ADCY2: variants seen among roughly 807,000 people sequenced by gnomAD.
ADCY2 encodes the protein adenylate cyclase 2.
ADCY2 carries 31 observed loss-of-function variants against 125.2 expected under a neutral mutation model. The ratio of observed to expected loss-of-function variants is 0.25; its 90% CI spans 0.19 to 0.33. The LOEUF (loss-of-function observed/expected upper bound fraction) is 0.33. ADCY2 is among the 10% of genes least tolerant of loss of function. The pLI, the probability that ADCY2 is intolerant of heterozygous loss-of-function variation, is 1.00. For missense variants in ADCY2, 904 were observed against 1,418.2 expected (o/e 0.64, Z 5.82); for synonymous variants, 512 against 548.4 (o/e 0.93, Z 0.93).
chr5:7,816,322 A>G (rs1561035480), intron 22 of ADCY2, among the ~76,000 whole-genome samples: 1 of 152,126 alleles, frequency 6.6e-6, no homozygotes, highest in African/African-American at 2.4e-5. Flanking sequence ...AAGAAGACTG[A>G]CCCCTGTGGA....
intron 6 of ADCY2, among the ~76,000 whole-genome samples, chr5:7,697,132 T>C (rs1473849366): frequency 6.6e-6 from 1 of 152,074 alleles, no homozygotes; most frequent in Non-Finnish European, 1.5e-5. Flanking sequence ...GCCCACCCAA[T>C]TCCAGTTCTA....
At chr5:7,676,799 T>C (rs1340257222) in intron 4 of ADCY2, among the ~76,000 whole-genome samples, 2 of 152,198 alleles carry the variant, frequency 1.3e-5, no homozygotes, top group Non-Finnish European at 2.9e-5. Flanking sequence ...GCCTTGGCCA[T>C]ACGTTTGGAC....
chr5:7,740,907 A>G (rs906504991), intron 14 of ADCY2, among the ~76,000 whole-genome samples: 1 of 152,092 alleles, frequency 6.6e-6, no homozygotes, highest in African/African-American at 2.4e-5. Flanking sequence ...TATAAGTTTA[A>G]TTAAGGAAGA....
intron 16 of ADCY2, among the ~76,000 whole-genome samples, chr5:7,759,792 C>A (rs1037777348): frequency 3.4e-4 from 52 of 152,106 alleles, no homozygotes; most frequent in Non-Finnish European, 2.8e-4. Context: ...TACCACTGGG[C>A]TCCAGAAAGA....
chr5:7,523,705 C>T (rs1472474481), intron 3 of ADCY2, among the ~76,000 whole-genome samples: 1 of 152,262 alleles, frequency 6.6e-6, no homozygotes, highest in East Asian at 1.9e-4. Flanking sequence ...TCCAGAAAAA[C>T]ACTTTATTGA....
chr5:7,616,198 A>G (rs1271656475), intron 3 of ADCY2, among the ~76,000 whole-genome samples: 2 of 152,342 alleles, frequency 1.3e-5, no homozygotes, highest in South Asian at 2.1e-4. Context: ...AATTAGTTTT[A>G]TAATAATGTC....
intron 2 of ADCY2, among the ~76,000 whole-genome samples, chr5:7,431,407 A>G (rs977579070): frequency 2.6e-5 from 4 of 152,214 alleles, no homozygotes; most frequent in African/African-American, 9.7e-5. Context: ...GAGATGGACC[A>G]TAGATGTAAA....
At chr5:7,678,550 A>G (rs1740209577) in intron 4 of ADCY2, among the ~76,000 whole-genome samples, 1 of 152,216 alleles carries the variant, frequency 6.6e-6, no homozygotes. Flanking sequence ...TATACATAAC[A>G]TATACATATA....
intron 23 of ADCY2, among the ~76,000 whole-genome samples, chr5:7,819,120 G>T (rs1745214391): frequency 6.6e-6 from 1 of 152,068 alleles, no homozygotes; most frequent in South Asian, 2.1e-4. Flanking sequence ...ATCTCTCCAC[G>T]TTCTTCTGCC....
At position 7,824,309 on chromosome 5, in the gene ADCY2, G is replaced by C. The variant is rs1306835339; in HGVS notation, c.3124-2410G>C. 1.2e-4 allele frequency among the ~76,000 whole-genome samples: 18 copies of C among 152,294 alleles called. No individual in the cohort carries two copies. The East Asian group carries it at 3.5e-3, about 29-fold the overall frequency. ...CCTAGGCCTGGAGGCATAGTAACCG[G>C]TGTGCATCGAGATGGACAGCTTCTT... On this transcript the variant is annotated intron_variant, in intron 24 of 24. Transcript: ENST00000338316.
chr5:7,646,306 A>G (rs1440499365), intron 4 of ADCY2, among the ~76,000 whole-genome samples: 1 of 150,630 alleles, frequency 6.6e-6, no homozygotes, highest in Non-Finnish European at 1.5e-5. Context: ...TTCTAGGAGA[A>G]CTTATTATTT....
chr5:7,525,471 C>T (rs1274958531), intron 3 of ADCY2, among the ~76,000 whole-genome samples: 1 of 152,150 alleles, frequency 6.6e-6, no homozygotes, highest in African/African-American at 2.4e-5. Context: ...CCTGTCTGCT[C>T]CAGGCCTAAA....
At chr5:7,591,948 A>G (rs1736861004) in intron 3 of ADCY2, among the ~76,000 whole-genome samples, 1 of 152,134 alleles carries the variant, frequency 6.6e-6, no homozygotes, top group East Asian at 1.9e-4. Context: ...TATCCATAGC[A>G]TTGTTTTCCT....
At chr5:7,578,211 G>A (rs933917829) in intron 3 of ADCY2, among the ~76,000 whole-genome samples, 2 of 152,186 alleles carry the variant, frequency 1.3e-5, no homozygotes, top group African/African-American at 2.4e-5. Context: ...GAATGACTTG[G>A]TGTTTTGCTT....
rs186104805 is a variant in ADCY2, at chr5:7,697,017, C to T, written c.981+1154C>T. Among the ~76,000 whole-genome samples, 6 of 151,794 alleles carry T rather than the reference C, an allele frequency of 4.0e-5. No individual in the cohort carries two copies. The East Asian group carries it at 9.8e-4, about 25-fold the overall frequency. Reference sequence around the variant, plus strand: ...ACTACCTGTTCATGTTAGGAAGAAACGTTTCAGTCTTGGCTGGGAACAGCA... The same window carrying T: ...ACTACCTGTTCATGTTAGGAAGAAATGTTTCAGTCTTGGCTGGGAACAGCA... On this transcript the variant is annotated intron_variant, in intron 6 of 24. Transcript: ENST00000338316.
chr5:7,637,233 G>A (rs1470298833), intron 4 of ADCY2, among the ~76,000 whole-genome samples: 1 of 152,032 alleles, frequency 6.6e-6, no homozygotes, highest in African/African-American at 2.4e-5. Context: ...ACTTTGGGAG[G>A]CCAAGGCAGG....
At chr5:7,773,240 C>A in intron 18 of ADCY2, 139 bp downstream of exon 18, 1 of 872,550 alleles carries the variant, frequency 1.1e-6, no homozygotes, top group Non-Finnish European at 1.7e-6. Context: ...TGAAGTGATG[C>A]CTCAGAAAGA....
At chr5:7,427,203 C>G (rs1386219433) in intron 2 of ADCY2, among the ~76,000 whole-genome samples, 1 of 152,184 alleles carries the variant, frequency 6.6e-6, no homozygotes, top group Admixed American at 6.5e-5. Context: ...GTGTTTTCCT[C>G]TATGTCTCTG....
In ADCY2 at chr5:7,804,702, GT is replaced by G. The variant is rs1744703816; in HGVS notation, c.2883+12del. 1 of 1,609,900 alleles carries G rather than the reference GT, an allele frequency of 6.2e-7. No individual in the cohort carries two copies. Among genetic ancestry groups the G allele is most frequent in the Non-Finnish European group, 8.5e-7 (1 of 1,176,298 alleles). ...CCAGGAGCACTCCCAGGTAAGACGC[GT>G]TGGCCACTTAACGGCACAGGTGAGC... On this transcript the variant is annotated intron_variant, in intron 22 of 24. Transcript: ENST00000338316.
Sources: allele counts gnomAD v4.1 joint callset (sites outside exome capture counted in the v4.1 genomes callset), GRCh38; gene constraint gnomAD v4.1.1; transcripts MANE v1.5; gene names NCBI Gene and HGNC (gene_info 2026-07-23, HGNC 2026-07-21).